TPM1: variants seen among roughly 807,000 people sequenced by gnomAD.
TPM1 encodes tropomyosin alpha-1 chain.
A neutral mutation model predicts 42.9 loss-of-function variants in TPM1; 24 were observed. The ratio of observed to expected loss-of-function variants is 0.56; its 90% CI spans 0.41 to 0.79. TPM1 has a LOEUF of 0.79. TPM1 is among the 30% of genes least tolerant of loss of function. TPM1 has a pLI of 0.00. For synonymous variants in TPM1, 136 were observed against 130.1 expected (o/e 1.05, Z -0.31); for missense variants, 158 against 351.8 (o/e 0.45, Z 4.41).
Position 63,057,067 on chromosome 15 carries a change from C to T in TPM1, c.323C>T (p.Thr108Ile), listed in dbSNP as rs762922595. 5 of 1,614,202 alleles carry T rather than the reference C, an allele frequency of 3.1e-6. No homozygotes were observed. The highest frequency in any genetic ancestry group is 4.2e-6 in the Non-Finnish European group (5 of 1,180,030). The part of the protein sequence containing the change: ...ELDRAQERLA[T>I]ALQKLEEAEK... ...GATCGTGCCCAGGAGCGTCTGGCAA[C>T]AGCTTTGCAGAAGCTGGAGGAAGCT... The change falls in exon 3 of 10, where the codon ACA becomes ATA. Residue 108 changes from threonine to isoleucine, a missense_variant. Coordinates refer to ENST00000403994, the MANE Select transcript of TPM1 (RefSeq NM_001018005.2).
At chr15:63,058,157 A>G (rs1011342419) in intron 3 of TPM1, among the ~76,000 whole-genome samples, 11 of 152,354 alleles carry the variant, frequency 7.2e-5, no homozygotes, top group Non-Finnish European at 1.2e-4. Flanking sequence ...ATGACTAAGC[A>G]TCTTACAGTG....
At chr15:63,067,847 A>G (rs937901100), downstream of TPM1, among the ~76,000 whole-genome samples, 3 of 152,242 alleles carry the variant, frequency 2.0e-5, no homozygotes, top group Admixed American at 1.3e-4. Context: ...GGGAGTCTCC[A>G]TAGAACCGGA....
intron 2 of TPM1, chr15:63,047,851 A>G: frequency 5.1e-6 from 1 of 195,858 alleles, no homozygotes; most frequent in South Asian, 7.2e-5. Context: ...TTTACAGATG[A>G]CGCCCAGAGA....
At chr15:63,053,968 A>G (rs531124012) in intron 2 of TPM1, among the ~76,000 whole-genome samples, 1 of 151,576 alleles carries the variant, frequency 6.6e-6, no homozygotes, top group African/African-American at 2.4e-5. Flanking sequence ...CGTGAGCCAC[A>G]GCGCCCAGCT....
intron 2 of TPM1, among the ~76,000 whole-genome samples, chr15:63,050,820 G>T (rs1339678821): frequency 6.6e-6 from 1 of 152,242 alleles, no homozygotes; most frequent in Non-Finnish European, 1.5e-5. Flanking sequence ...AGCTTGGGCT[G>T]TGAGTTAAGC....
chr15:63,069,942 A>C (rs139159081), downstream of TPM1: 445 of 1,613,962 alleles, frequency 2.8e-4, no homozygotes, highest in Non-Finnish European at 3.7e-4. Flanking sequence ...AATGAGGATT[A>C]AACTTAAGAG....
At chr15:63,069,660 A>C (rs557751084), downstream of TPM1, among the ~76,000 whole-genome samples, 94 of 152,160 alleles carry the variant, frequency 6.2e-4, no homozygotes, top group African/African-American at 2.1e-3. Context: ...AGAAATTCTG[A>C]CACTTCCTAA....
chr15:63,062,322 T>A lies in TPM1; in HGVS notation c.702+45T>A, dbSNP rs750108897. 21 of 1,578,256 alleles carry A rather than the reference T, an allele frequency of 1.3e-5. No individual in the cohort carries two copies. In the South Asian group the frequency reaches 2.0e-4, roughly 15 times the overall value. ...TGAAGCCAACTGGATTTTAAATGAG[T>A]TTGTTTTCATGGAACCGGTCAGGGC... On this transcript the variant is annotated intron_variant, in intron 7 of 9. Coordinates refer to ENST00000403994, the MANE Select transcript of TPM1 (RefSeq NM_001018005.2).
chr15:63,048,720 C>G (rs1232941886), intron 2 of TPM1: 2 of 1,535,170 alleles, frequency 1.3e-6, no homozygotes, highest in African/African-American at 1.4e-5. Flanking sequence ...AAGGGATACA[C>G]CCATCACCCC....
intron 1 of TPM1, 190 bp downstream of exon 1, chr15:63,043,133 T>C: frequency 1.7e-6 from 1 of 592,324 alleles, no homozygotes; most frequent in South Asian, 2.1e-5. Context: ...TAACTTAGTC[T>C]GGTCTGAGGA....
intron 8 of TPM1, 152 bp downstream of exon 8, chr15:63,062,797 C>G: frequency 6.5e-7 from 1 of 1,544,880 alleles, no homozygotes; most frequent in Non-Finnish European, 8.7e-7. Context: ...CTCTGTGGCT[C>G]TTGAACTCAT....
intron 4 of TPM1, 54 bp from the exon 5 acceptor site, chr15:63,060,815 G>C: frequency 1.2e-6 from 2 of 1,604,454 alleles, no homozygotes; most frequent in Non-Finnish European, 1.7e-6. Context: ...ATGCCCTTCT[G>C]TTACACAAAG....
intron 2 of TPM1, chr15:63,056,613 G>A: frequency 3.2e-6 from 1 of 310,248 alleles, no homozygotes; most frequent in South Asian, 2.9e-5. Flanking sequence ...TTTGCAGTGA[G>A]CTGAGATCGT....
intron 1 of TPM1, 140 bp from the exon 2 acceptor site, chr15:63,043,887 T>C: frequency 1.3e-6 from 2 of 1,551,094 alleles, no homozygotes; most frequent in Non-Finnish European, 1.7e-6. Flanking sequence ...TTTCTCTTTC[T>C]CTCTCTCCCT....
downstream of TPM1, among the ~76,000 whole-genome samples, chr15:63,067,072 C>T (rs576031644): frequency 2.0e-5 from 3 of 151,894 alleles, no homozygotes; most frequent in African/African-American, 7.2e-5. Context: ...AACATTTCTC[C>T]TTCCTCAACA....
At chr15:63,071,574 C>T (rs1445359110) in exon 9 of TPM1, 5 of 318,230 alleles carry the variant, frequency 1.6e-5, no homozygotes, top group Non-Finnish European at 3.0e-5. Flanking sequence ...TTTTGTTCAA[C>T]ATTGTACAAT....
chr15:63,049,691 T>G (rs747554440), intron 2 of TPM1, among the ~76,000 whole-genome samples: 3 of 152,224 alleles, frequency 2.0e-5, no homozygotes, highest in Non-Finnish European at 2.9e-5. Flanking sequence ...TGTAAATGGC[T>G]GTATGGCTGG....
At chr15:63,058,631 C>G (rs181683699) in intron 3 of TPM1, among the ~76,000 whole-genome samples, 2 of 152,160 alleles carry the variant, frequency 1.3e-5, no homozygotes, top group African/African-American at 4.8e-5. Flanking sequence ...ATCGCTTGAA[C>G]CCAGTAGGTG....
downstream of TPM1, chr15:63,070,530 A>G: frequency 1.0e-6 from 1 of 994,718 alleles, no homozygotes; most frequent in Non-Finnish European, 1.2e-6. Context: ...GCTAATAAAT[A>G]GAACACTATA....
Sources: allele counts gnomAD v4.1 joint callset (sites outside exome capture counted in the v4.1 genomes callset), GRCh38; gene constraint gnomAD v4.1.1; transcripts MANE v1.5; gene names NCBI Gene and HGNC (gene_info 2026-07-23, HGNC 2026-07-21).